Variants in STK31 observed in about 807,000 individuals in gnomAD.
STK31 encodes the protein serine/threonine kinase 31, also known as serine/threonine-protein kinase 31.
Under a neutral mutation model 129.7 loss-of-function variants are expected in STK31, and 89 were observed. The ratio of observed to expected loss-of-function variants is 0.69; its 90% CI spans 0.58 to 0.82. STK31 has a LOEUF of 0.82. Ranked by LOEUF, STK31 falls within the 40% of genes least tolerant of loss-of-function variation. The probability of loss-of-function intolerance (pLI) is 0.00; values close to 1 mark genes in which losing one functional copy is unlikely to be tolerated. For missense variants in STK31, 1,187 were observed against 1,176.4 expected (o/e 1.01, Z -0.13); for synonymous variants, 448 against 395.3 (o/e 1.13, Z -1.58).
intron 15 of STK31, among the ~76,000 whole-genome samples, chr7:23,773,449 G>A (rs1562590453): frequency 1.3e-5 from 2 of 152,112 alleles, no homozygotes; most frequent in East Asian, 1.9e-4. Context: ...TCATTGGTGG[G>A]CATTTGGGTT....
At chr7:23,711,215 A>C (rs950522890) in intron 1 of STK31, among the ~76,000 whole-genome samples, 15 of 152,098 alleles carry the variant, frequency 9.9e-5, no homozygotes, top group African/African-American at 3.6e-4. Context: ...GAGGTGGGCA[A>C]ATCACAAGGT....
intron 22 of STK31, among the ~76,000 whole-genome samples, chr7:23,806,436 T>C (rs967656919): frequency 1.3e-5 from 2 of 152,160 alleles, no homozygotes; most frequent in African/African-American, 4.8e-5. Context: ...TCTCCCACCT[T>C]CTCTGAACCT....
At chr7:23,734,913 C>T (rs868210644) in intron 6 of STK31, among the ~76,000 whole-genome samples, 14 of 152,004 alleles carry the variant, frequency 9.2e-5, no homozygotes, top group African/African-American at 2.9e-4. Flanking sequence ...TGCAATGAGC[C>T]GAGATTGTGC....
chr7:23,772,176 T>G lies in STK31; in HGVS notation c.1863T>G (p.Asn621Lys), dbSNP rs10263079. 0.18 allele frequency: 278,465 copies of G among 1,572,920 alleles called. 27,383 individuals are homozygous for G. The highest frequency in any genetic ancestry group is 0.2 in the Non-Finnish European group (230,843 of 1,154,542). Residue 621 changes from asparagine (N) to lysine (K), a missense_variant, in exon 15 of 24, where the codon AAT (asparagine) becomes AAG (lysine). This residue lies in a region of STK31 where 975 missense variants were observed against 934.9 expected (regional missense o/e 1.04). Coordinates refer to ENST00000355870, the MANE Select transcript of STK31 (RefSeq NM_031414.5). ...EFKKQLIEYL[N>K]KSPSVDHLLS... ...AAAAGCAGCTTATTGAATATTTAAATAAGAGTCCCAGTGTGGATCACTTGC... is the reference window on the plus strand; with the variant it reads ...AAAAGCAGCTTATTGAATATTTAAAGAAGAGTCCCAGTGTGGATCACTTGC...
At chr7:23,785,625 T>C in intron 18 of STK31, 22 bp downstream of exon 18, 2 of 1,602,818 alleles carry the variant, frequency 1.2e-6, no homozygotes, top group Non-Finnish European at 8.5e-7. Context: ...TTCTTCTTAC[T>C]TGTGGGAGAT....
At chr7:23,800,835 C>A (rs182964689) in intron 22 of STK31, among the ~76,000 whole-genome samples, 2 of 148,320 alleles carry the variant, frequency 1.3e-5, no homozygotes, top group South Asian at 2.1e-4. Flanking sequence ...AGTCTAGCTT[C>A]TTTCATTCAG....
chr7:23,801,042 G>A (rs144602218), intron 22 of STK31, among the ~76,000 whole-genome samples: 1 of 152,134 alleles, frequency 6.6e-6, no homozygotes, highest in Non-Finnish European at 1.5e-5. Context: ...TTATGTGAAC[G>A]TAAGTTTTTG....
intron 10 of STK31, among the ~76,000 whole-genome samples, chr7:23,755,627 T>G (rs1789021503): frequency 6.6e-6 from 1 of 152,186 alleles, no homozygotes; most frequent in African/African-American, 2.4e-5. Context: ...GTTTTTATAG[T>G]TTTAGGTTTT....
At chr7:23,766,854 A>G (rs1562584612) in intron 11 of STK31, among the ~76,000 whole-genome samples, 1 of 152,040 alleles carries the variant, frequency 6.6e-6, no homozygotes, top group African/African-American at 2.4e-5. Flanking sequence ...TGGCTAATCT[A>G]TTGTTTAAAA....
At chr7:23,719,894 CA>C (rs747119326) in intron 4 of STK31, among the ~76,000 whole-genome samples, 3 of 152,226 alleles carry the variant, frequency 2.0e-5, no homozygotes, top group East Asian at 3.9e-4. Flanking sequence ...CAAATCTGAG[CA>C]ACTACTGTAA....
intron 3 of STK31, among the ~76,000 whole-genome samples, chr7:23,716,990 A>G (rs6944078): frequency 0.54 from 80,342 of 149,686 alleles, 21,727 homozygotes; most frequent in East Asian, 0.64. Context: ...TAGAGACAGG[A>G]TTTCACCACA....
At chr7:23,810,602 A>T (rs1165570084) in intron 22 of STK31, among the ~76,000 whole-genome samples, 7 of 127,598 alleles carry the variant, frequency 5.5e-5, no homozygotes, top group South Asian at 2.2e-4. Flanking sequence ...CCATCTTTTT[A>T]TATATATATA....
At chr7:23,739,162 C>T (rs1381812083) in intron 8 of STK31, among the ~76,000 whole-genome samples, 5 of 152,076 alleles carry the variant, frequency 3.3e-5, no homozygotes, top group Non-Finnish European at 5.9e-5. Flanking sequence ...TTTTAATGAT[C>T]GCCATTATAA....
At chr7:23,808,865 C>T (rs1183386739) in intron 22 of STK31, among the ~76,000 whole-genome samples, 1 of 151,730 alleles carries the variant, frequency 6.6e-6, no homozygotes, top group Non-Finnish European at 1.5e-5. Context: ...GGTATATTAC[C>T]TATTACAGTT....
At chr7:23,735,988 T>C in intron 7 of STK31, 92 bp downstream of exon 7, 1 of 1,072,718 alleles carries the variant, frequency 9.3e-7, no homozygotes, top group South Asian at 1.9e-5. Context: ...TGGAATCCTT[T>C]ACTGTGTCAG....
chr7:23,815,569 T>G (rs1441398441), intron 23 of STK31, among the ~76,000 whole-genome samples: 1 of 152,144 alleles, frequency 6.6e-6, no homozygotes. Flanking sequence ...GCCAACATAT[T>G]TTGAGTAGCT....
intron 15 of STK31, among the ~76,000 whole-genome samples, chr7:23,778,245 C>G (rs1241954009): frequency 6.6e-6 from 1 of 152,134 alleles, no homozygotes; most frequent in African/African-American, 2.4e-5. Context: ...GTAACCCAAC[C>G]TTTCTCTCTG....
rs534718440 is a variant in STK31 at position 23,815,216 on chromosome 7, T to C, written c.2829+4T>C. Reference sequence around the variant, plus strand: ...CAAAGTGGATCAGTTTCATCTGGTATGTGACCTTTTTGACATTTACTGGTT... The same window carrying C: ...CAAAGTGGATCAGTTTCATCTGGTACGTGACCTTTTTGACATTTACTGGTT... On this transcript the variant is annotated splice_donor_region_variant and intron_variant, in intron 23 of 23. Coordinates refer to ENST00000355870, the MANE Select transcript of STK31 (RefSeq NM_031414.5). The C allele has an allele frequency of 4.5e-6, 7 of 1,550,282 alleles. No individual in the cohort carries two copies. The East Asian group carries it at 1.7e-4, about 37-fold the overall frequency.
chr7:23,721,626 G>A (rs371025486), intron 4 of STK31: 300 of 878,764 alleles, frequency 3.4e-4, no homozygotes, highest in Middle Eastern at 2.1e-3. Flanking sequence ...AGTGTGCGTC[G>A]AATGTAAATA....
Sources: allele counts gnomAD v4.1 joint callset (sites outside exome capture counted in the v4.1 genomes callset), GRCh38; gene constraint gnomAD v4.1.1; regional missense constraint gnomAD v4.1.1; transcripts MANE v1.5; gene names NCBI Gene and HGNC (gene_info 2026-07-23, HGNC 2026-07-21).